Variants in NBDY observed in about 807,000 individuals in gnomAD.
The protein encoded by NBDY is negative regulator of P-body association.
intron 2 of NBDY, among the ~76,000 whole-genome samples, chrX:56,761,560 G>A (rs1408048454): frequency 1.8e-5 from 2 of 113,228 alleles, no homozygotes; most frequent in Non-Finnish European, 3.7e-5. Flanking sequence ...GGGACATTCT[G>A]CATTCTTGTT....
At chrX:56,759,424 C>G (rs1354483562) in intron 2 of NBDY, among the ~76,000 whole-genome samples, 1 of 112,358 alleles carries the variant, frequency 8.9e-6, no homozygotes, top group Non-Finnish European at 1.9e-5. Flanking sequence ...CCTACCAGGC[C>G]TTGGTCATTG....
At chrX:56,816,950 AG>A (rs2069913443) in intron 2 of NBDY, among the ~76,000 whole-genome samples, 1 of 111,457 alleles carries the variant, frequency 9.0e-6, no homozygotes, top group Non-Finnish European at 1.9e-5. Context: ...GAGTTTGTCA[AG>A]GGGCTATGAG....
intron 2 of NBDY, among the ~76,000 whole-genome samples, chrX:56,808,265 A>T (rs2069864992): frequency 8.9e-6 from 1 of 112,065 alleles, no homozygotes; most frequent in South Asian, 3.7e-4. Flanking sequence ...TGCTGGCCTC[A>T]TAAAAGTTGG....
At chrX:56,757,442 C>A (rs1210323960) in intron 2 of NBDY, among the ~76,000 whole-genome samples, 1 of 112,093 alleles carries the variant, frequency 8.9e-6, no homozygotes, top group Admixed American at 9.4e-5. Flanking sequence ...TCTGGGCATC[C>A]CTTCCTTCGC....
At chrX:56,760,400 CTG>C (rs201897302) in intron 2 of NBDY, among the ~76,000 whole-genome samples, 60,459 of 111,842 alleles carry the variant, frequency 0.54, 14,227 homozygotes, top group Non-Finnish European at 0.74. Flanking sequence ...AAAACAGAAA[CTG>C]GGGCTGGGTG....
chrX:56,791,890 T>C (rs778379170), intron 2 of NBDY, among the ~76,000 whole-genome samples: 1 of 110,306 alleles, frequency 9.1e-6, no homozygotes, highest in Non-Finnish European at 1.9e-5. Flanking sequence ...CTTCTTCTTA[T>C]TGTTGTTGTT....
chrX:56,809,704 A>G (rs987241967), intron 2 of NBDY, among the ~76,000 whole-genome samples: 3 of 111,970 alleles, frequency 2.7e-5, no homozygotes, highest in African/African-American at 9.7e-5. Flanking sequence ...CTAACTCTTT[A>G]TCCAATTTGC....
intron 2 of NBDY, among the ~76,000 whole-genome samples, chrX:56,760,414 G>A (rs1198638993): frequency 8.9e-6 from 1 of 112,686 alleles, no homozygotes; most frequent in Middle Eastern, 4.2e-3. Context: ...GGCTGGGTGC[G>A]GTGGCTGACG....
intron 2 of NBDY, among the ~76,000 whole-genome samples, chrX:56,807,994 A>C (rs770066146): frequency 1.8e-5 from 2 of 111,834 alleles, no homozygotes; most frequent in African/African-American, 3.3e-5. Flanking sequence ...CATTCCATCA[A>C]TACCTAGTTT....
At chrX:56,814,611 G>C (rs868008185) in intron 2 of NBDY, among the ~76,000 whole-genome samples, 5 of 109,517 alleles carry the variant, frequency 4.6e-5, no homozygotes, top group African/African-American at 1.7e-4. Flanking sequence ...TTCTGCCTCA[G>C]GCTCCTGAGC....
At chrX:56,780,933 A>T (rs1281953648) in intron 2 of NBDY, among the ~76,000 whole-genome samples, 1 of 106,188 alleles carries the variant, frequency 9.4e-6, no homozygotes, top group Non-Finnish European at 1.9e-5. Context: ...TGTGAGTGTC[A>T]GAGGTCCTCG....
intron 2 of NBDY, among the ~76,000 whole-genome samples, chrX:56,739,257 TATATATGTATGTATATATATATA>T (rs2069517482): frequency 1.2e-5 from 1 of 81,442 alleles, no homozygotes; most frequent in Admixed American, 1.5e-4. Context: ...TATATATATA[TATATATGTATGTATATATATATA>T]TTTTTATATA....
At chrX:56,783,115 G>A (rs1158686821) in intron 2 of NBDY, among the ~76,000 whole-genome samples, 1 of 112,914 alleles carries the variant, frequency 8.9e-6, no homozygotes, top group African/African-American at 3.2e-5. Context: ...TGTAAATGGG[G>A]CTGTAAATGG....
At position 56,784,067 on chromosome X, in the gene NBDY, T is replaced by C. The variant is rs190844724; in HGVS notation, c.*167-33253T>C. 5.9e-3 allele frequency among the ~76,000 whole-genome samples: 654 copies of C among 111,343 alleles called. 1 individual carries two copies. Among genetic ancestry groups the C allele is most frequent in the Middle Eastern group, 0.014 (3 of 218 alleles). On this transcript the variant is annotated intron_variant, in intron 2 of 2. Coordinates refer to ENST00000374922, the MANE Select transcript of NBDY (RefSeq NM_001348129.2). ...GTGGCATGGTGGGGGTAGGTCGCAC[T>C]GGGGGCAGTGTGAGTGGGTACAGGG...
At chrX:56,788,903 T>TA (rs1350676175) in intron 2 of NBDY, among the ~76,000 whole-genome samples, 2 of 112,364 alleles carry the variant, frequency 1.8e-5, no homozygotes, top group Non-Finnish European at 3.8e-5. Flanking sequence ...TCTAGGGCTC[T>TA]AAACCCCAGT....
intron 2 of NBDY, among the ~76,000 whole-genome samples, chrX:56,801,977 G>GACAC (rs5902560): frequency 2.0e-3 from 201 of 99,611 alleles, no homozygotes; most frequent in Middle Eastern, 0.015. Context: ...CAAACTCATA[G>GACAC]ACACACACAC....
At chrX:56,799,376 A>G (rs1028783888) in intron 2 of NBDY, among the ~76,000 whole-genome samples, 11 of 113,415 alleles carry the variant, frequency 9.7e-5, no homozygotes, top group Non-Finnish European at 3.7e-5. Flanking sequence ...CTCGGCAGTC[A>G]GTGAACAGTG....
intron 2 of NBDY, among the ~76,000 whole-genome samples, chrX:56,747,091 G>A (rs1339082071): frequency 8.9e-6 from 1 of 111,824 alleles, no homozygotes; most frequent in Non-Finnish European, 1.9e-5. Context: ...TATTATAGCA[G>A]CAAGCCATAA....
chrX:56,805,067 A>AC (rs1175827954), intron 2 of NBDY, among the ~76,000 whole-genome samples: 1 of 112,278 alleles, frequency 8.9e-6, no homozygotes, highest in Non-Finnish European at 1.9e-5. Flanking sequence ...ACCTACTCTC[A>AC]CGAACGTCAG....
Sources: gnomAD v4.1 joint callset for allele counts (sites outside exome capture counted in the v4.1 genomes callset) on GRCh38, gnomAD v4.1.1 for gene constraint, MANE v1.5 for transcripts, NCBI Gene and HGNC (gene_info 2026-07-23, HGNC 2026-07-21) for gene names.